Variants in ACACA observed in about 807,000 individuals in gnomAD.
ACACA encodes the protein acetyl-CoA carboxylase alpha, also known as acetyl-CoA carboxylase 1.
In ACACA, 103 loss-of-function variants were observed where a neutral mutation model predicts 296.1. That is an observed-to-expected ratio of 0.35 (90% CI 0.30 to 0.41). The LOEUF (loss-of-function observed/expected upper bound fraction) is 0.41. ACACA is among the 10% of genes least tolerant of loss of function. The probability of loss-of-function intolerance (pLI) is 1.00; values close to 1 mark genes in which losing one functional copy is unlikely to be tolerated. For missense variants in ACACA, 1,554 were observed against 2,989.7 expected, an observed-to-expected ratio of 0.52 and a Z score of 11.20; for synonymous variants, 953 against 1,038.6, an observed-to-expected ratio of 0.92 and a Z score of 1.58.
chr17:37,168,524 A>C (rs2076768079), intron 41 of ACACA, among the ~76,000 whole-genome samples: 1 of 145,720 alleles, frequency 6.9e-6, no homozygotes, highest in Non-Finnish European at 1.5e-5. Context: ...TTTCCATAAC[A>C]AAAAAAAAAA....
chr17:37,111,660 G>GA lies in ACACA; in HGVS notation c.6453-18dup, dbSNP rs767196590. The GA allele has an allele frequency of 2.5e-6, 4 of 1,593,660 alleles. No homozygotes were observed. The highest frequency in any genetic ancestry group is 3.4e-6 in the Non-Finnish European group (4 of 1,161,724). On this transcript the variant is annotated splice_polypyrimidine_tract_variant and intron_variant, in intron 51 of 55. Transcript: ENST00000616317. ...ACAGATCCCCTGGATCAGAAAGAAA[G>GA]AAAAAACAAAACAGAAATAGAGGCA...
chr17:37,087,234 C>T lies in ACACA; in HGVS notation c.*82G>A. 1.3e-6 allele frequency: 2 copies of T among 1,573,428 alleles called. No individual in the cohort carries two copies. The highest frequency in any genetic ancestry group is 2.3e-5 in the South Asian group (2 of 88,156). ...TCCAGTGCTGGGTCTCCTGTGCCTTCTCATTACAGTGGTTACAGTTGTAAA... is the reference window on the plus strand; with the variant it reads ...TCCAGTGCTGGGTCTCCTGTGCCTTTTCATTACAGTGGTTACAGTTGTAAA... On this transcript the variant is annotated 3_prime_UTR_variant, in exon 56 of 56. Coordinates refer to ENST00000616317, the MANE Select transcript of ACACA (RefSeq NM_198834.3).
chr17:37,292,310 G>A lies in ACACA; in HGVS notation c.339-7340C>T, dbSNP rs1476525487. Among the ~76,000 whole-genome samples the A allele has an allele frequency of 2.0e-5, 3 of 152,084 alleles. No homozygotes were observed. The East Asian group carries it at 5.8e-4, about 29-fold the overall frequency. On this transcript the variant is annotated intron_variant, in intron 3 of 55. Coordinates refer to ENST00000616317, the MANE Select transcript of ACACA (RefSeq NM_198834.3). The stretch of plus-strand genomic sequence containing the variant: ...GACTTTGTAATGATAGTCTTTCAAG[G>A]TTTACCCTTGCTGCCATTATGCTGC...
At chr17:37,246,424 T>G (rs1219322805) in intron 19 of ACACA, among the ~76,000 whole-genome samples, 2 of 152,142 alleles carry the variant, frequency 1.3e-5, no homozygotes, top group Non-Finnish European at 2.9e-5. Flanking sequence ...TACCTTTTTT[T>G]TTAATTTTTT....
chr17:37,279,004 T>C, intron 5 of ACACA, among the ~76,000 whole-genome samples: 1 of 152,104 alleles, frequency 6.6e-6, no homozygotes, highest in South Asian at 2.1e-4. Flanking sequence ...CATGCACTGG[T>C]AAAGGACAGG....
intron 42 of ACACA, among the ~76,000 whole-genome samples, chr17:37,157,881 C>CT (rs1202426493): frequency 1.3e-5 from 2 of 152,166 alleles, no homozygotes; most frequent in Admixed American, 1.3e-4. Context: ...TTGGGTGGGG[C>CT]TGGGAGCAAG....
chr17:37,168,124 C>T (rs954642181), intron 41 of ACACA, among the ~76,000 whole-genome samples: 2 of 152,168 alleles, frequency 1.3e-5, no homozygotes, highest in African/African-American at 4.8e-5. Context: ...CCCTGTACCT[C>T]AGTTCCTTCA....
intron 35 of ACACA, among the ~76,000 whole-genome samples, chr17:37,199,772 T>TATG (rs2078162582): frequency 6.6e-6 from 1 of 152,090 alleles, no homozygotes; most frequent in Non-Finnish European, 1.5e-5. Context: ...GATAAATGCT[T>TATG]ATGTTCATTC....
chr17:37,112,062 C>CTATCTATCTATCTATG (rs1311331736), intron 51 of ACACA, among the ~76,000 whole-genome samples: 1 of 151,372 alleles, frequency 6.6e-6, no homozygotes, highest in African/African-American at 2.4e-5. Context: ...ATCTATCTAT[C>CTATCTATCTATCTATG]TATCTATCTA....
At chr17:37,191,809 T>A (rs1262218950) in intron 37 of ACACA, among the ~76,000 whole-genome samples, 5 of 152,126 alleles carry the variant, frequency 3.3e-5, no homozygotes, top group Admixed American at 3.3e-4. Context: ...TTATTATGCT[T>A]CTGCTACCAA....
At chr17:37,390,245 TA>T (rs2050763009) in intron 1 of ACACA, among the ~76,000 whole-genome samples, 1 of 45,030 alleles carries the variant, frequency 2.2e-5, no homozygotes, top group African/African-American at 1.6e-4. Context: ...TAATATATTA[TA>T]TATATATTAT....
chr17:37,354,951 C>T (rs2049066161), intron 1 of ACACA, among the ~76,000 whole-genome samples: 1 of 151,728 alleles, frequency 6.6e-6, no homozygotes, highest in South Asian at 2.1e-4. Context: ...AAATCAAAAA[C>T]ACTTAAAAAT....
At chr17:37,216,189 CGTG>C (rs1288427255) in intron 29 of ACACA, among the ~76,000 whole-genome samples, 1 of 141,316 alleles carries the variant, frequency 7.1e-6, no homozygotes, top group Non-Finnish European at 1.5e-5. Context: ...CATACACACA[CGTG>C]TGTGTGTGTG....
intron 25 of ACACA, among the ~76,000 whole-genome samples, chr17:37,228,962 T>C (rs2079689514): frequency 6.6e-6 from 1 of 151,806 alleles, no homozygotes; most frequent in Non-Finnish European, 1.5e-5. Context: ...GAGAACACGG[T>C]TGAAACCCGT....
intron 2 of ACACA, among the ~76,000 whole-genome samples, chr17:37,336,850 G>A (rs1049875578): frequency 1.3e-5 from 2 of 152,146 alleles, no homozygotes; most frequent in African/African-American, 2.4e-5. Context: ...ATGAGAAACC[G>A]TCAATACTTT....
chr17:37,330,540 GA>G, intron 2 of ACACA, 115 bp from the exon 3 acceptor site: 1 of 1,320,816 alleles, frequency 7.6e-7, no homozygotes, highest in Admixed American at 1.8e-5. Context: ...AAGGCAATTT[GA>G]GAACTAACTT....
At position 37,281,414 on chromosome 17, in the gene ACACA, T is replaced by G. The variant is rs1435292424; in HGVS notation, c.610+1853A>C. ...AGAATTAGATGTCTCATCTCTGTGT[T>G]CTCACCGGACCCTGTGCATGTTTCT... On this transcript the variant is annotated intron_variant, in intron 5 of 55. Transcript: ENST00000616317. Among the ~76,000 whole-genome samples the G allele has an allele frequency of 3.3e-5, 5 of 152,184 alleles. No homozygotes were observed. The East Asian group carries it at 9.6e-4, about 29-fold the overall frequency.
chr17:37,133,243 C>CA (rs1431409556), intron 45 of ACACA, among the ~76,000 whole-genome samples: 2 of 152,200 alleles, frequency 1.3e-5, no homozygotes, highest in African/African-American at 4.8e-5. Flanking sequence ...CAAATGCTAA[C>CA]AATCATAACT....
chr17:37,359,087 G>A (rs1451343124), intron 1 of ACACA: 70 of 985,726 alleles, frequency 7.1e-5, no homozygotes, highest in Non-Finnish European at 8.3e-5. Flanking sequence ...CGGCTCGGGC[G>A]ATGGCTGACA....
Sources: gnomAD v4.1 joint callset for allele counts (sites outside exome capture counted in the v4.1 genomes callset) on GRCh38, gnomAD v4.1.1 for gene constraint, MANE v1.5 for transcripts, NCBI Gene and HGNC (gene_info 2026-07-23, HGNC 2026-07-21) for gene names.